TMEM163: variants seen among roughly 807,000 people sequenced by gnomAD.
The protein encoded by TMEM163 is transmembrane protein 163.
A neutral mutation model predicts 29.3 loss-of-function variants in TMEM163; 17 were observed. The observed-to-expected ratio is 0.58, with a 90% CI of 0.40 to 0.87. TMEM163 has a LOEUF of 0.87. Among genes scored for constraint, TMEM163 ranks in the 40% least tolerant of loss-of-function variants. TMEM163 has a pLI of 0.00. For synonymous variants in TMEM163, 157 were observed against 160.6 expected, an observed-to-expected ratio of 0.98 and a Z score of 0.17; for missense variants, 303 against 381.5, an observed-to-expected ratio of 0.79 and a Z score of 1.71.
At chr2:134,509,666 C>A (rs1679905275) in intron 4 of TMEM163, among the ~76,000 whole-genome samples, 1 of 152,224 alleles carries the variant, frequency 6.6e-6, no homozygotes, top group African/African-American at 2.4e-5. Flanking sequence ...AATCTATACC[C>A]AGCCTCCAGA....
chr2:134,524,948 GC>G (rs1216910398), intron 4 of TMEM163, among the ~76,000 whole-genome samples: 1 of 151,142 alleles, frequency 6.6e-6, no homozygotes, highest in African/African-American at 2.4e-5. Context: ...TCACCACATT[GC>G]CTTCCACAAT....
rs575884461 is a variant in TMEM163 at position 134,707,251 on chromosome 2, G to A, written c.322+5949C>T. On this transcript the variant is annotated intron_variant, in intron 2 of 7. Coordinates refer to ENST00000281924, the MANE Select transcript of TMEM163 (RefSeq NM_030923.5). ...GACACAGGAGCTTGCGAAGAGGCCCGGGGCTGTGAAAAGTCCAGCAAGGAT... is the reference window on the plus strand; with the variant it reads ...GACACAGGAGCTTGCGAAGAGGCCCAGGGCTGTGAAAAGTCCAGCAAGGAT... 3.5e-4 allele frequency among the ~76,000 whole-genome samples: 54 copies of A among 152,300 alleles called. 2 individuals are homozygous for A. Among genetic ancestry groups the A allele is most frequent in the African/African-American group, 1.2e-3 (50 of 41,564 alleles).
intron 2 of TMEM163, among the ~76,000 whole-genome samples, chr2:134,706,706 C>G (rs1228159916): frequency 6.6e-6 from 1 of 152,090 alleles, no homozygotes; most frequent in Non-Finnish European, 1.5e-5. Context: ...GGGCAAGAAA[C>G]AGGACACAGC....
At position 134,456,739 on chromosome 2, in the gene TMEM163, G is replaced by A. The variant is rs752459816; in HGVS notation, c.847C>T (p.Arg283Cys). 43 of 1,613,646 alleles carry A rather than the reference G, an allele frequency of 2.7e-5. No individual in the cohort carries two copies. The highest frequency in any genetic ancestry group is 9.4e-5 in the African/African-American group (7 of 74,860). Residue 283 changes from arginine to cysteine, a missense_variant, in exon 8 of 8, where the codon CGT (arginine) becomes TGT (cysteine). Around this residue, in one of 2 missense-constraint regions of TMEM163, gnomAD observed 203 missense variants for 294.3 expected, o/e 0.69. Coordinates refer to ENST00000281924, the MANE Select transcript of TMEM163 (RefSeq NM_030923.5). ...CTTCACTCAAACATCTCGTAGTGAC[G>A]TGTCTGCCTCACCCTCGGCACCATG... is the stretch of plus-strand genomic sequence containing the variant. Reference protein sequence around the residue: ...IDMVPRVRQTRHYEMFE With the variant: ...IDMVPRVRQTCHYEMFE
chr2:134,462,950 G>A (rs1433377621), intron 6 of TMEM163, among the ~76,000 whole-genome samples: 1 of 152,236 alleles, frequency 6.6e-6, no homozygotes, highest in Non-Finnish European at 1.5e-5. Context: ...CGGTCAGTGA[G>A]GTGGATAAAG....
intron 5 of TMEM163, among the ~76,000 whole-genome samples, chr2:134,482,307 A>G (rs1306111384): frequency 7.2e-5 from 11 of 152,216 alleles, no homozygotes; most frequent in Non-Finnish European, 1.6e-4. Flanking sequence ...GGGTGACACC[A>G]GCAGTCATAA....
At chr2:134,478,700 G>A (rs1437304308) in intron 5 of TMEM163, among the ~76,000 whole-genome samples, 1 of 152,180 alleles carries the variant, frequency 6.6e-6, no homozygotes, top group East Asian at 1.9e-4. Flanking sequence ...TGCAGCCTGG[G>A]CCCATGGTAG....
intron 6 of TMEM163, among the ~76,000 whole-genome samples, chr2:134,465,197 A>AAAAAAAAAC (rs1287370832): frequency 6.6e-5 from 9 of 136,074 alleles, no homozygotes; most frequent in African/African-American, 2.8e-4. Flanking sequence ...TTTAAAAAAA[A>AAAAAAAAAC]AAAAAACAAA....
intron 2 of TMEM163, among the ~76,000 whole-genome samples, chr2:134,646,360 C>G (rs1225733035): frequency 2.0e-5 from 3 of 150,492 alleles, no homozygotes. Context: ...GCTGGGATTA[C>G]AGGCATGAGC....
intron 5 of TMEM163, among the ~76,000 whole-genome samples, chr2:134,488,903 G>A (rs79432334): frequency 6.6e-6 from 1 of 152,256 alleles, no homozygotes; most frequent in African/African-American, 2.4e-5. Flanking sequence ...CCAGGGGAGA[G>A]CAAATTAAAA....
chr2:134,702,213 A>C (rs1418966409), intron 2 of TMEM163, among the ~76,000 whole-genome samples: 2 of 152,184 alleles, frequency 1.3e-5, no homozygotes, highest in Non-Finnish European at 2.9e-5. Context: ...CTAGGACCAC[A>C]CTCATAGGAT....
At chr2:134,661,136 T>C (rs59551408) in intron 2 of TMEM163, among the ~76,000 whole-genome samples, 16,485 of 148,104 alleles carry the variant, frequency 0.11, 1,092 homozygotes, top group African/African-American at 0.18. Flanking sequence ...CACACACACA[T>C]ACAAACACAC....
chr2:134,506,957 C>G (rs998542397), intron 4 of TMEM163, among the ~76,000 whole-genome samples: 2 of 152,162 alleles, frequency 1.3e-5, no homozygotes, highest in Non-Finnish European at 2.9e-5. Flanking sequence ...TGCCCCAACT[C>G]TGGGGGAGAA....
intron 2 of TMEM163, among the ~76,000 whole-genome samples, chr2:134,554,557 G>C (rs768211039): frequency 6.6e-6 from 1 of 151,508 alleles, no homozygotes; most frequent in Admixed American, 6.6e-5. Flanking sequence ...CCCCCGACTC[G>C]CTATGGCAGA....
At chr2:134,491,976 T>A (rs1679439579) in intron 5 of TMEM163, among the ~76,000 whole-genome samples, 1 of 152,180 alleles carries the variant, frequency 6.6e-6, no homozygotes, top group Admixed American at 6.5e-5. Flanking sequence ...TCCAGAGGTT[T>A]ACGTGGTTAG....
intron 2 of TMEM163, among the ~76,000 whole-genome samples, chr2:134,689,931 T>C (rs1211479809): frequency 2.0e-5 from 3 of 152,068 alleles, no homozygotes; most frequent in African/African-American, 2.4e-5. Flanking sequence ...TGTTTGTTTG[T>C]TTGTTTGTTT....
intron 2 of TMEM163, among the ~76,000 whole-genome samples, chr2:134,690,719 AT>A (rs1684446298): frequency 6.6e-6 from 1 of 152,234 alleles, no homozygotes; most frequent in Admixed American, 6.5e-5. Context: ...CTCTGACACA[AT>A]TAAGAACTTC....
At chr2:134,673,051 A>G (rs1467194) in intron 2 of TMEM163, among the ~76,000 whole-genome samples, 98,164 of 152,020 alleles carry the variant, frequency 0.65, 32,985 homozygotes, top group African/African-American at 0.79. Flanking sequence ...CACAGCTGCA[A>G]CATTGAACTT....
intron 1 of TMEM163, among the ~76,000 whole-genome samples, chr2:134,714,166 T>TG (rs34605835): frequency 0.25 from 38,354 of 152,046 alleles, 6,020 homozygotes; most frequent in African/African-American, 0.42. Flanking sequence ...GTCTTCAGAA[T>TG]GTCTTGATTT....
Sources: allele counts gnomAD v4.1 joint callset (sites outside exome capture counted in the v4.1 genomes callset), GRCh38; gene constraint gnomAD v4.1.1; regional missense constraint gnomAD v4.1.1; transcripts MANE v1.5; gene names NCBI Gene and HGNC (gene_info 2026-07-23, HGNC 2026-07-21).